Variants in SCUBE1 observed in about 807,000 individuals in gnomAD.
SCUBE1 encodes the protein signal peptide, CUB and EGF-like domain-containing protein 1.
Under a neutral mutation model 124.4 loss-of-function variants are expected in SCUBE1, and 59 were observed. The observed-to-expected ratio is 0.47, with a 90% CI of 0.38 to 0.59. The LOEUF is 0.59. Among genes scored for constraint, SCUBE1 ranks in the 20% least tolerant of loss-of-function variants. The pLI is 0.00. For synonymous variants in SCUBE1, 545 were observed against 550.9 expected (o/e 0.99, Z 0.15); for missense variants, 1,150 against 1,371.2 (o/e 0.84, Z 2.55).
chr22:43,226,734 A>C (rs1010764987), intron 10 of SCUBE1, among the ~76,000 whole-genome samples: 4 of 151,576 alleles, frequency 2.6e-5, no homozygotes, highest in African/African-American at 9.7e-5. Context: ...CGGGGCAAGG[A>C]CCCGGCGTGG....
chr22:43,335,602 A>G (rs1927036557), intron 2 of SCUBE1, among the ~76,000 whole-genome samples: 1 of 152,196 alleles, frequency 6.6e-6, no homozygotes, highest in South Asian at 2.1e-4. Context: ...ACCAGACCAC[A>G]AGCTTCTGGA....
intron 2 of SCUBE1, among the ~76,000 whole-genome samples, chr22:43,338,818 G>A (rs964142427): frequency 1.3e-5 from 2 of 152,184 alleles, no homozygotes; most frequent in African/African-American, 2.4e-5. Flanking sequence ...GATTACAGAC[G>A]TGAGCCACCG....
At chr22:43,290,441 T>C (rs1215310723) in intron 4 of SCUBE1, among the ~76,000 whole-genome samples, 1 of 152,250 alleles carries the variant, frequency 6.6e-6, no homozygotes, top group Non-Finnish European at 1.5e-5. Context: ...CAAGTTCCTT[T>C]GCCTGCTGGG....
intron 2 of SCUBE1, among the ~76,000 whole-genome samples, chr22:43,328,798 G>A (rs919573202): frequency 1.3e-5 from 2 of 152,100 alleles, no homozygotes; most frequent in African/African-American, 4.8e-5. Context: ...TAACAGCAGT[G>A]GCAACTCCAC....
chr22:43,270,820 C>T (rs1038373776), intron 4 of SCUBE1, among the ~76,000 whole-genome samples: 3 of 151,814 alleles, frequency 2.0e-5, no homozygotes, highest in Admixed American at 6.6e-5. Context: ...TGTCTTCCTA[C>T]TGTAAACAAA....
chr22:43,280,956 CTCT>C (rs539544257), intron 4 of SCUBE1, among the ~76,000 whole-genome samples: 1 of 2,380 alleles, frequency 4.2e-4, no homozygotes, highest in Non-Finnish European at 7.8e-4. Context: ...TGTCACCTCC[CTCT>C]TTGGCCACCC....
intron 2 of SCUBE1, among the ~76,000 whole-genome samples, chr22:43,325,402 C>T (rs1181773305): frequency 7.1e-6 from 1 of 141,068 alleles, no homozygotes; most frequent in Non-Finnish European, 1.5e-5. Context: ...GAGATCGCGC[C>T]GTTGCACTCC....
chr22:43,254,357 C>A (rs1455294453), intron 6 of SCUBE1, among the ~76,000 whole-genome samples: 1 of 152,180 alleles, frequency 6.6e-6, no homozygotes, highest in Non-Finnish European at 1.5e-5. Flanking sequence ...TCCTCAGCAG[C>A]ACACAAGGCC....
At chr22:43,293,015 C>A (rs935015713) in intron 3 of SCUBE1, among the ~76,000 whole-genome samples, 3 of 152,230 alleles carry the variant, frequency 2.0e-5, no homozygotes, top group African/African-American at 7.2e-5. Flanking sequence ...GCACCTTTCT[C>A]CATTCAACAA....
intron 6 of SCUBE1, among the ~76,000 whole-genome samples, chr22:43,254,019 T>C (rs1923562616): frequency 6.6e-6 from 1 of 152,222 alleles, no homozygotes; most frequent in Non-Finnish European, 1.5e-5. Context: ...TGGAGGGCAG[T>C]GGTCATACCT....
rs899456841 is a variant in SCUBE1, at chr22:43,258,997, T to C, written c.611-662A>G. Reference sequence around the variant, plus strand: ...CACCTAAATAATAACCACGTTACATTGTTTTCGATGCCTGTGGCCTGGAGG... The same window carrying C: ...CACCTAAATAATAACCACGTTACATCGTTTTCGATGCCTGTGGCCTGGAGG... On this transcript the variant is annotated intron_variant, in intron 5 of 21. Coordinates refer to ENST00000360835, the MANE Select transcript of SCUBE1 (RefSeq NM_173050.5). The surrounding 1 kb of genome is among the most constrained non-coding windows in gnomAD (Gnocchi z 5.0). Among the ~76,000 whole-genome samples, 1 of 152,338 alleles carries C rather than the reference T, an allele frequency of 6.6e-6. No individual in the cohort carries two copies.
At chr22:43,219,823 T>G (rs1922013538) in intron 14 of SCUBE1, among the ~76,000 whole-genome samples, 1 of 152,040 alleles carries the variant, frequency 6.6e-6, no homozygotes, top group Non-Finnish European at 1.5e-5. Context: ...ACCTCAGTTC[T>G]ATGCATTGTT....
chr22:43,246,205 C>T (rs1395773972), intron 6 of SCUBE1, among the ~76,000 whole-genome samples: 5 of 152,152 alleles, frequency 3.3e-5, no homozygotes, highest in Non-Finnish European at 7.4e-5. Context: ...TGCCCTGCCT[C>T]CTTCACTTCC....
At chr22:43,246,422 A>C (rs4820508) in intron 6 of SCUBE1, among the ~76,000 whole-genome samples, 103,085 of 152,000 alleles carry the variant, frequency 0.68, 36,117 homozygotes, top group African/African-American at 0.8. Flanking sequence ...CACCAGGCGG[A>C]CCCTCCAGCT....
At chr22:43,287,152 AG>A (rs1249794198) in intron 4 of SCUBE1, among the ~76,000 whole-genome samples, 1 of 152,192 alleles carries the variant, frequency 6.6e-6, no homozygotes, top group Non-Finnish European at 1.5e-5. Context: ...GGCCAGAAGC[AG>A]TGCTCGGAAG....
At chr22:43,342,877 C>G (rs934328048) in intron 1 of SCUBE1, among the ~76,000 whole-genome samples, 7 of 151,542 alleles carry the variant, frequency 4.6e-5, no homozygotes, top group African/African-American at 1.7e-4. Context: ...CAGGTCCGCA[C>G]GCGGGGTCCC....
intron 6 of SCUBE1, among the ~76,000 whole-genome samples, chr22:43,250,036 G>A (rs1033197674): frequency 2.0e-5 from 3 of 152,254 alleles, no homozygotes; most frequent in African/African-American, 7.2e-5. Context: ...CTAAGCACCT[G>A]CTACTTAGTC....
chr22:43,284,095 G>A lies in SCUBE1; in HGVS notation c.484+6951C>T, dbSNP rs150807829. On this transcript the variant is annotated intron_variant, in intron 4 of 21. Transcript: ENST00000360835. ...GGTCTGTGTATGGAGACACACGGCC[G>A]TGGTCTTCAGAGCAAGACCCGTGAC... Among the ~76,000 whole-genome samples the A allele has an allele frequency of 3.9e-5, 6 of 152,362 alleles. No homozygotes were observed. The East Asian group carries it at 9.6e-4, about 24-fold the overall frequency.
intron 7 of SCUBE1, among the ~76,000 whole-genome samples, chr22:43,235,512 T>C (rs1922723864): frequency 6.6e-6 from 1 of 151,662 alleles, no homozygotes; most frequent in Non-Finnish European, 1.5e-5. Context: ...GTAAAAGCCC[T>C]GGCTGTGGCC....
Sources: gnomAD v4.1 joint callset for allele counts (sites outside exome capture counted in the v4.1 genomes callset) on GRCh38, gnomAD v4.1.1 for gene constraint, Gnocchi (gnomAD v3.1) non-coding constraint, MANE v1.5 for transcripts, NCBI Gene and HGNC (gene_info 2026-07-23, HGNC 2026-07-21) for gene names.